The following TAX1BP1 variants were observed in gnomAD, a reference collection of about 807,000 sequenced individuals.
TAX1BP1 encodes the protein Tax1 binding protein 1.
In TAX1BP1, 62 loss-of-function variants were observed where a neutral mutation model predicts 97.7. The observed-to-expected ratio is 0.63, with a 90% CI of 0.52 to 0.78. TAX1BP1 has a LOEUF of 0.78. Ranked by LOEUF, TAX1BP1 falls within the 30% of genes least tolerant of loss-of-function variation. The pLI is 0.00. For synonymous variants in TAX1BP1, 340 were observed against 304.2 expected (o/e 1.12, Z -1.23); for missense variants, 867 against 916.1 (o/e 0.95, Z 0.69).
At chr7:27,755,206 T>A (rs992252872) in intron 2 of TAX1BP1, among the ~76,000 whole-genome samples, 3 of 152,218 alleles carry the variant, frequency 2.0e-5, no homozygotes, top group African/African-American at 7.2e-5. Flanking sequence ...TGTTGTTGTA[T>A]GTTTCTGGAT....
intron 13 of TAX1BP1, among the ~76,000 whole-genome samples, chr7:27,809,875 A>C (rs1790484422): frequency 1.3e-5 from 2 of 151,858 alleles, no homozygotes; most frequent in South Asian, 4.1e-4. Context: ...TAAACTTTTG[A>C]ATAAGTATTT....
chr7:27,826,668 T>C (rs1431883098), intron 15 of TAX1BP1, among the ~76,000 whole-genome samples: 1 of 152,198 alleles, frequency 6.6e-6, no homozygotes, highest in Non-Finnish European at 1.5e-5. Context: ...GTTTGGCTGT[T>C]GATGTAGCAC....
chr7:27,786,293 G>A (rs563649700), intron 7 of TAX1BP1, among the ~76,000 whole-genome samples: 2 of 151,958 alleles, frequency 1.3e-5, no homozygotes, highest in South Asian at 4.2e-4. Context: ...GACCACGTCC[G>A]GCTAATTTTT....
Position 27,769,790 on chromosome 7 carries a change from A to T in TAX1BP1, c.568A>T (p.Asn190Tyr), listed in dbSNP as rs1788777007. 6.2e-7 allele frequency: 1 copy of T among 1,612,594 alleles called. No homozygotes were observed. Among genetic ancestry groups the T allele is most frequent in the East Asian group, 2.2e-5 (1 of 44,774 alleles). ...EQVGRMERELNHEKERCDQLQ... is the reference protein window; with the variant it reads ...EQVGRMERELYHEKERCDQLQ... ...AGTTGGGAGAATGGAAAGAGAACTT[A>T]ACCATGAGAAAGAAAGATGTGACCA... is the stretch of plus-strand genomic sequence containing the variant. Residue 190 changes from asparagine to tyrosine, a missense_variant, in exon 5 of 17, where the codon AAC becomes TAC. Asn to Tyr is a moderately radical substitution (Grantham distance 143). Transcript: ENST00000396319.
chr7:27,792,369 T>G, intron 9 of TAX1BP1, 139 bp downstream of exon 9: 1 of 799,704 alleles, frequency 1.3e-6, no homozygotes, highest in Non-Finnish European at 1.9e-6. Flanking sequence ...TTTTGTTTAG[T>G]CATTGTGACT....
chr7:27,757,866 GTTTAA>G (rs1788282468), intron 2 of TAX1BP1, among the ~76,000 whole-genome samples, 160 bp from the exon 3 acceptor site: 1 of 152,004 alleles, frequency 6.6e-6, no homozygotes, highest in South Asian at 2.1e-4. Flanking sequence ...TTAGGCTGTA[GTTTAA>G]TTTAGAAATA....
chr7:27,770,618 G>A (rs565590639), intron 5 of TAX1BP1, among the ~76,000 whole-genome samples: 2 of 152,002 alleles, frequency 1.3e-5, no homozygotes, highest in Admixed American at 6.6e-5. Context: ...GTCCAACAAG[G>A]CCTCCAGCAA....
At position 27,817,154 on chromosome 7, in the gene TAX1BP1, GGA is replaced by G. The variant is rs1332983176; in HGVS notation, c.2085+120_2085+121del. On this transcript the variant is annotated intron_variant, in intron 15 of 16. Coordinates refer to ENST00000396319, the MANE Select transcript of TAX1BP1 (RefSeq NM_006024.7). Reference sequence around the variant, plus strand: ...TGTGCGTGCATGCGTGTGTGTGGAAGGAGAGTGTGTGCTTGTGCCTGCACACA... The same window carrying G: ...TGTGCGTGCATGCGTGTGTGTGGAAGGAGTGTGTGCTTGTGCCTGCACACA... The G allele has an allele frequency of 7.1e-6, 9 of 1,269,968 alleles. No individual in the cohort carries two copies. In the African/African-American group the frequency reaches 9.1e-5, roughly 13 times the overall value. The allele number at this position is 1,269,968 out of a possible 1,614,324, so 78.7% of individuals were successfully genotyped here.
In TAX1BP1 at chr7:27,785,394, CT is replaced by C. The variant is rs1226201142; in HGVS notation, c.762-3del. On this transcript the variant is annotated splice_polypyrimidine_tract_variant and splice_region_variant and intron_variant, in intron 6 of 16. Coordinates refer to ENST00000396319, the MANE Select transcript of TAX1BP1 (RefSeq NM_006024.7). Reference sequence around the variant, plus strand: ...TATAATGTTACTTTATCATACCTATCTTAGTTTAAAGGACAAACTCAAGAAG... The same window carrying C: ...TATAATGTTACTTTATCATACCTATCTAGTTTAAAGGACAAACTCAAGAAG... The C allele has an allele frequency of 6.2e-7, 1 of 1,608,200 alleles. No homozygotes were observed. The highest frequency in any genetic ancestry group is 8.5e-7 in the Non-Finnish European group (1 of 1,177,850).
intron 2 of TAX1BP1, among the ~76,000 whole-genome samples, chr7:27,753,965 C>T (rs1193620055): frequency 6.6e-6 from 1 of 152,110 alleles, no homozygotes; most frequent in Non-Finnish European, 1.5e-5. Flanking sequence ...TCTTAGAATT[C>T]TCACATCTCT....
intron 15 of TAX1BP1, among the ~76,000 whole-genome samples, chr7:27,827,248 G>A (rs1004748083): frequency 6.6e-6 from 1 of 151,932 alleles, no homozygotes; most frequent in Admixed American, 6.6e-5. Flanking sequence ...AGCTACTCAG[G>A]AGGCTGAGGC....
At chr7:27,803,611 A>T (rs1790225239) in intron 13 of TAX1BP1, among the ~76,000 whole-genome samples, 2 of 152,240 alleles carry the variant, frequency 1.3e-5, no homozygotes, top group African/African-American at 4.8e-5. Context: ...GTGTATTATT[A>T]TGAATTAAGG....
chr7:27,802,965 A>G (rs960058351), intron 13 of TAX1BP1: 26 of 718,116 alleles, frequency 3.6e-5, no homozygotes, highest in Non-Finnish European at 5.1e-5. Context: ...CAAGTAATTC[A>G]GAGAAGTCAA....
In TAX1BP1 at chr7:27,764,648, TCTC is replaced by T. The variant is rs537178348; in HGVS notation, c.266-1182_266-1180del. ...TTTGAGACTGTGGAAATATCTTGTTTCTCCTCATATTTTCAGCCACTAATTTTA... is the reference window on the plus strand; with the variant it reads ...TTTGAGACTGTGGAAATATCTTGTTTCTCATATTTTCAGCCACTAATTTTA... On this transcript the variant is annotated intron_variant, in intron 3 of 16. Coordinates refer to ENST00000396319, the MANE Select transcript of TAX1BP1 (RefSeq NM_006024.7). Among the ~76,000 whole-genome samples, 9 of 152,300 alleles carry T rather than the reference TCTC, an allele frequency of 5.9e-5. No individual in the cohort carries two copies. In the South Asian group the frequency reaches 1.2e-3, roughly 21 times the overall value.
At chr7:27,772,895 A>G (rs894224677) in intron 5 of TAX1BP1, among the ~76,000 whole-genome samples, 33 of 152,064 alleles carry the variant, frequency 2.2e-4, no homozygotes, top group African/African-American at 7.7e-4. Flanking sequence ...TGTGGTATCT[A>G]CTTCATTATT....
At chr7:27,739,650 T>A (rs1787491192), upstream of TAX1BP1, 1 of 152,006 alleles carries the variant, frequency 6.6e-6, no homozygotes, top group Non-Finnish European at 1.5e-5. Context: ...GAGCTTTCAG[T>A]GAACAAAACT....
intron 12 of TAX1BP1, among the ~76,000 whole-genome samples, chr7:27,799,386 A>G (rs938035323): frequency 1.2e-4 from 19 of 152,200 alleles, no homozygotes; most frequent in Admixed American, 5.9e-4. Context: ...AGAGCAATGT[A>G]TAAGAAGTCA....
intron 5 of TAX1BP1, among the ~76,000 whole-genome samples, chr7:27,773,660 G>C (rs1197797612): frequency 6.6e-6 from 1 of 151,886 alleles, no homozygotes; most frequent in African/African-American, 2.4e-5. Flanking sequence ...ATAATCTATT[G>C]TACTGATGAG....
At chr7:27,805,639 C>T (rs766555033) in intron 13 of TAX1BP1, among the ~76,000 whole-genome samples, 2 of 152,094 alleles carry the variant, frequency 1.3e-5, no homozygotes, top group Non-Finnish European at 2.9e-5. Context: ...GAACTCGAGA[C>T]CAGCTTGGCC....
Sources: gnomAD v4.1 joint callset for allele counts (sites outside exome capture counted in the v4.1 genomes callset) on GRCh38, gnomAD v4.1.1 for gene constraint, MANE v1.5 for transcripts, NCBI Gene and HGNC (gene_info 2026-07-23, HGNC 2026-07-21) for gene names.